CENPW: variants seen among roughly 807,000 people sequenced by gnomAD.
The protein encoded by CENPW is centromere protein W.
In CENPW, 3 loss-of-function variants were observed where a neutral mutation model predicts 11.1. The ratio of observed to expected loss-of-function variants is 0.27; its 90% CI spans 0.12 to 0.70. The LOEUF (loss-of-function observed/expected upper bound fraction) is 0.70, where lower values mean the gene tolerates loss of function less well. Ranked by LOEUF, CENPW falls within the 30% of genes least tolerant of loss-of-function variation. The pLI, the probability that CENPW is intolerant of heterozygous loss-of-function variation, is 0.77. For missense variants in CENPW, 100 were observed against 105.6 expected (o/e 0.95, Z 0.23); for synonymous variants, 38 against 42.0 (o/e 0.91, Z 0.37).
the CENPW span, among the ~76,000 whole-genome samples, chr6:126,411,373 T>C: frequency 6.6e-6 from 1 of 152,162 alleles, no homozygotes; most frequent in African/African-American, 2.4e-5. Context: ...TTCCCCACAT[T>C]GGGGAGACCT....
the CENPW span, among the ~76,000 whole-genome samples, chr6:126,423,418 A>C: frequency 1.3e-5 from 2 of 152,154 alleles, no homozygotes; most frequent in Non-Finnish European, 2.9e-5. Flanking sequence ...TTGAGTCTGC[A>C]GAAATGAGAC....
the CENPW span, among the ~76,000 whole-genome samples, chr6:126,404,401 C>G: frequency 7.9e-5 from 12 of 152,010 alleles, no homozygotes; most frequent in African/African-American, 2.9e-4. Context: ...AATAAATTTT[C>G]CATTTGTCTG....
the CENPW span, among the ~76,000 whole-genome samples, chr6:126,394,714 A>T: frequency 2.0e-5 from 3 of 152,060 alleles, no homozygotes; most frequent in Non-Finnish European, 4.4e-5. Context: ...CTTGTCAGAC[A>T]AGTCTGGTGT....
chr6:126,455,987 G>C, the CENPW span, among the ~76,000 whole-genome samples: 1 of 150,476 alleles, frequency 6.6e-6, no homozygotes. Context: ...ACAAAAATTA[G>C]GAATATATCT....
chr6:126,431,012 T>A, the CENPW span, among the ~76,000 whole-genome samples: 1 of 152,154 alleles, frequency 6.6e-6, no homozygotes, highest in Non-Finnish European at 1.5e-5. Flanking sequence ...AGAAACACCA[T>A]ATTTTTACTT....
At chr6:126,351,248 A>C (rs1780487873), downstream of CENPW, among the ~76,000 whole-genome samples, 1 of 151,872 alleles carries the variant, frequency 6.6e-6, no homozygotes, top group African/African-American at 2.4e-5. Context: ...CCACACAGCC[A>C]AAAGCCTCCT....
the CENPW span, among the ~76,000 whole-genome samples, chr6:126,463,224 A>G: frequency 1.3e-5 from 2 of 152,012 alleles, no homozygotes; most frequent in Non-Finnish European, 2.9e-5. Context: ...AAAGCCCTGG[A>G]TGTTTTTAGA....
the CENPW span, among the ~76,000 whole-genome samples, chr6:126,439,113 G>A: frequency 6.6e-6 from 1 of 151,698 alleles, no homozygotes; most frequent in Non-Finnish European, 1.5e-5. Flanking sequence ...ATTTACTTAT[G>A]CCTAAGAACA....
the CENPW span, among the ~76,000 whole-genome samples, chr6:126,475,772 A>C: frequency 6.6e-6 from 1 of 152,060 alleles, no homozygotes; most frequent in African/African-American, 2.4e-5. Flanking sequence ...GAAAACACTG[A>C]AAAATACTGT....
chr6:126,402,619 T>C, the CENPW span, among the ~76,000 whole-genome samples: 1 of 151,304 alleles, frequency 6.6e-6, no homozygotes, highest in Non-Finnish European at 1.5e-5. Context: ...ATTCAATGTG[T>C]AGTCCTTTGT....
the CENPW span, among the ~76,000 whole-genome samples, chr6:126,413,390 C>G: frequency 6.6e-6 from 1 of 152,068 alleles, no homozygotes; most frequent in African/African-American, 2.4e-5. Flanking sequence ...CAGCAGATTT[C>G]TCTGCAAACA....
the CENPW span, among the ~76,000 whole-genome samples, chr6:126,446,080 C>G: frequency 6.6e-6 from 1 of 150,910 alleles, no homozygotes; most frequent in Non-Finnish European, 1.5e-5. Flanking sequence ...GCTCACATGA[C>G]AAAACACTTT....
At chr6:126,448,722 G>T in the CENPW span, among the ~76,000 whole-genome samples, 200 of 150,880 alleles carry the variant, frequency 1.3e-3, 1 homozygote, top group African/African-American at 4.4e-3. Context: ...ACTGTAATAG[G>T]TTTTTTACCA....
the CENPW span, among the ~76,000 whole-genome samples, chr6:126,415,777 T>C: frequency 1.5e-4 from 23 of 152,310 alleles, no homozygotes; most frequent in Non-Finnish European, 1.6e-4. Context: ...GCCTTTCACC[T>C]TCCACCATGA....
downstream of CENPW, among the ~76,000 whole-genome samples, chr6:126,349,666 G>C (rs1176005629): frequency 6.6e-6 from 1 of 152,012 alleles, no homozygotes; most frequent in African/African-American, 2.4e-5. Context: ...GTAGTATTCT[G>C]TAGTATGGAA....
the CENPW span, among the ~76,000 whole-genome samples, chr6:126,464,840 C>T: frequency 4.5e-4 from 69 of 152,168 alleles, no homozygotes; most frequent in Middle Eastern, 3.4e-3. Context: ...TGCATAGGTC[C>T]CATTAGTTCT....
At chr6:126,349,293 CA>C (rs1327119313), downstream of CENPW, among the ~76,000 whole-genome samples, 1 of 152,080 alleles carries the variant, frequency 6.6e-6, no homozygotes, top group Non-Finnish European at 1.5e-5. Flanking sequence ...AGTATAATAT[CA>C]AAACCAGGAA....
chr6:126,472,648 C>G, the CENPW span, among the ~76,000 whole-genome samples: 1 of 152,190 alleles, frequency 6.6e-6, no homozygotes, highest in Non-Finnish European at 1.5e-5. Flanking sequence ...ATTTCCTTTT[C>G]TCTTTGATAA....
the CENPW span, among the ~76,000 whole-genome samples, chr6:126,453,342 C>A: frequency 2.6e-5 from 4 of 151,126 alleles, no homozygotes; most frequent in African/African-American, 9.7e-5. Flanking sequence ...AGGGAACCCC[C>A]TTCATGCTAA....
Sources: allele counts gnomAD v4.1 joint callset (sites outside exome capture counted in the v4.1 genomes callset), GRCh38; gene constraint gnomAD v4.1.1; transcripts MANE v1.5; gene names NCBI Gene and HGNC (gene_info 2026-07-23, HGNC 2026-07-21).